The following FMNL3 variants were observed in gnomAD, a reference collection of about 807,000 sequenced individuals.
FMNL3 encodes formin like 3.
Under a neutral mutation model 119.6 loss-of-function variants are expected in FMNL3, and 57 were observed. That is an observed-to-expected ratio of 0.48 (90% CI 0.39 to 0.59). The LOEUF is 0.59. Ranked by LOEUF, FMNL3 falls within the 20% of genes least tolerant of loss-of-function variation. The pLI is 0.00. For missense variants in FMNL3, 1,053 were observed against 1,323.5 expected, an observed-to-expected ratio of 0.80 and a Z score of 3.17; for synonymous variants, 491 against 507.3, an observed-to-expected ratio of 0.97 and a Z score of 0.43.
At chr12:49,653,113 G>A (rs1255125791) in intron 13 of FMNL3, 113 bp downstream of exon 13, 1 of 980,532 alleles carries the variant, frequency 1.0e-6, no homozygotes, top group African/African-American at 1.6e-5. Context: ...CCTCAAGGGT[G>A]AATCAAGATC....
chr12:49,654,090 C>A (rs1256572884), intron 11 of FMNL3, 102 bp downstream of exon 11: 3 of 1,239,254 alleles, frequency 2.4e-6, no homozygotes, highest in African/African-American at 1.5e-5. Context: ...GGCAGGGTCC[C>A]AGGAGCATCA....
chr12:49,702,380 A>G (rs553347101), intron 1 of FMNL3, among the ~76,000 whole-genome samples: 3 of 152,354 alleles, frequency 2.0e-5, no homozygotes, highest in African/African-American at 7.2e-5. Flanking sequence ...TAAAGGTTTT[A>G]AAGCACATCA....
chr12:49,681,036 A>G (rs1403658426), intron 1 of FMNL3, among the ~76,000 whole-genome samples: 1 of 152,234 alleles, frequency 6.6e-6, no homozygotes, highest in African/African-American at 2.4e-5. Context: ...ATGCTTCCCT[A>G]TTCTGCACAA....
chr12:49,662,755 C>T (rs189603632), intron 4 of FMNL3, among the ~76,000 whole-genome samples: 1 of 152,190 alleles, frequency 6.6e-6, no homozygotes, highest in African/African-American at 2.4e-5. Flanking sequence ...CAACAAAGCA[C>T]CTAAGGACCA....
rs1945048917 is a variant in FMNL3, at chr12:49,706,398, A to G, written c.126+657T>C. On this transcript the variant is annotated intron_variant, in intron 1 of 25. Coordinates refer to ENST00000335154, the MANE Select transcript of FMNL3 (RefSeq NM_175736.5). ...GTTTGTGTATTGTTTCACTTGGAGA[A>G]ATACCCCAGTGAAATGGTTTATCCA... Among the ~76,000 whole-genome samples the G allele has an allele frequency of 2.0e-5, 3 of 152,226 alleles. No individual in the cohort carries two copies. The South Asian group carries it at 6.2e-4, about 31-fold the overall frequency.
intron 5 of FMNL3, 98 bp from the exon 6 acceptor site, chr12:49,658,692 C>A: frequency 7.2e-7 from 1 of 1,381,068 alleles, no homozygotes. Context: ...CCCTTCAGGC[C>A]TCTAGGGCAA....
chr12:49,698,402 T>C (rs908892150), intron 1 of FMNL3, among the ~76,000 whole-genome samples: 5 of 152,134 alleles, frequency 3.3e-5, no homozygotes, highest in Non-Finnish European at 5.9e-5. Flanking sequence ...ATAATTCTGC[T>C]AGCCCCTCGT....
At chr12:49,699,650 C>G (rs1339629541) in intron 1 of FMNL3, among the ~76,000 whole-genome samples, 1 of 152,202 alleles carries the variant, frequency 6.6e-6, no homozygotes, top group East Asian at 1.9e-4. Context: ...ATAACAGTTA[C>G]ATATGCTTTT....
Position 49,678,936 on chromosome 12 carries a change from A to G in FMNL3, c.127-10382T>C, listed in dbSNP as rs137923251. Among the ~76,000 whole-genome samples the G allele has an allele frequency of 6.6e-5, 10 of 152,318 alleles. No individual in the cohort carries two copies. The East Asian group carries it at 1.7e-3, about 26-fold the overall frequency. ...ACTACAAAGGCATGAAAGTATGTAT[A>G]AGGAAATTACAGCAGGCAGAAAAGT... On this transcript the variant is annotated intron_variant, in intron 1 of 25. Transcript: ENST00000335154.
chr12:49,675,671 C>G (rs1450078191), intron 1 of FMNL3, among the ~76,000 whole-genome samples: 1 of 152,238 alleles, frequency 6.6e-6, no homozygotes, highest in East Asian at 1.9e-4. Flanking sequence ...GGATAAGCTT[C>G]TAGCTGGCAT....
At position 49,654,207 on chromosome 12, in the gene FMNL3, T is replaced by C. The variant is rs777246013; in HGVS notation, c.1056A>G (p.Leu352=). ...GCCAGCTCACCTGCAGGAACTCCTC[T>C]AGCCCCAGCTTGGTAAACTCATACT... ...HLQYEFTKLG[L]EEFLQKSRHT... is the part of the protein sequence containing the mutation. Residue 352 remains leucine, a synonymous_variant, in exon 11 of 26, where the codon CTA becomes CTG. Transcript: ENST00000335154. 6.2e-7 allele frequency: 1 copy of C among 1,614,118 alleles called. No individual in the cohort carries two copies. Among genetic ancestry groups the C allele is most frequent in the Admixed American group, 1.7e-5 (1 of 60,008 alleles).
intron 10 of FMNL3, among the ~76,000 whole-genome samples, 190 bp downstream of exon 10, chr12:49,654,720 T>C (rs555504256): frequency 6.6e-6 from 1 of 152,250 alleles, no homozygotes; most frequent in South Asian, 2.1e-4. Context: ...AGATCTGATA[T>C]ACACAAATGA....
rs539772391 is a variant in FMNL3, at chr12:49,637,901, C to G, written c.*7914G>C. 2 of 1,240,640 alleles carry G rather than the reference C, an allele frequency of 1.6e-6. No individual in the cohort carries two copies. The highest frequency in any genetic ancestry group is 2.6e-5 in the South Asian group (2 of 78,420). The allele number at this position is 1,240,640 out of a possible 1,614,324, so 76.9% of individuals were successfully genotyped here. A position where few individuals can be genotyped will look rare whatever the true frequency, so the allele number is the denominator to read the frequency against. ...CCCTGCAGAGGACTCCCTGATAAGTCCTGTTTTGCAGAAGCATTACAGCTT... is the reference window on the plus strand; with the variant it reads ...CCCTGCAGAGGACTCCCTGATAAGTGCTGTTTTGCAGAAGCATTACAGCTT... On this transcript the variant is annotated 3_prime_UTR_variant, in exon 26 of 26. Coordinates refer to ENST00000335154, the MANE Select transcript of FMNL3 (RefSeq NM_175736.5).
rs1942169726 is a variant in FMNL3, at chr12:49,638,574, G to C, written c.*7241C>G. The C allele has an allele frequency of 2.0e-5, 3 of 152,190 alleles. No homozygotes were observed. The highest frequency in any genetic ancestry group is 2.0e-4 in the Admixed American group (3 of 15,286). The allele number at this position is 152,190 out of a possible 1,614,324, so 9.4% of individuals were successfully genotyped here. On this transcript the variant is annotated 3_prime_UTR_variant, in exon 26 of 26. Coordinates refer to ENST00000335154, the MANE Select transcript of FMNL3 (RefSeq NM_175736.5). ...TACATCTTATCAAAAGTGGAAAAGT[G>C]AGTGAGTGATGGACTAAACCTTGTG...
chr12:49,687,407 T>C (rs1393512987), intron 1 of FMNL3, among the ~76,000 whole-genome samples: 1 of 151,876 alleles, frequency 6.6e-6, no homozygotes, highest in African/African-American at 2.4e-5. Context: ...CTCTTATTTT[T>C]TAAGAGACGG....
intron 1 of FMNL3, among the ~76,000 whole-genome samples, chr12:49,681,231 C>T (rs1447412518): frequency 6.6e-6 from 1 of 152,258 alleles, no homozygotes; most frequent in East Asian, 1.9e-4. Flanking sequence ...GACGGAGTCT[C>T]GCTCTGTCGC....
intron 1 of FMNL3, among the ~76,000 whole-genome samples, chr12:49,694,019 A>G (rs894713332): frequency 6.6e-6 from 1 of 151,932 alleles, no homozygotes; most frequent in African/African-American, 2.4e-5. Context: ...GCTCACTGCA[A>G]CCTCAAACTC....
chr12:49,686,794 C>T (rs958966032), intron 1 of FMNL3, among the ~76,000 whole-genome samples: 1 of 152,086 alleles, frequency 6.6e-6, no homozygotes, highest in African/African-American at 2.4e-5. Flanking sequence ...AGACAAGTAT[C>T]TATTTACAGT....
intron 1 of FMNL3, among the ~76,000 whole-genome samples, chr12:49,676,494 A>G (rs1333565956): frequency 6.7e-6 from 1 of 149,264 alleles, no homozygotes; most frequent in African/African-American, 2.5e-5. Flanking sequence ...ATGGACCTTT[A>G]GCACAAATTG....
Sources: gnomAD v4.1 joint callset for allele counts (sites outside exome capture counted in the v4.1 genomes callset) on GRCh38, gnomAD v4.1.1 for gene constraint, MANE v1.5 for transcripts, NCBI Gene and HGNC (gene_info 2026-07-23, HGNC 2026-07-21) for gene names.